DYNLRB2: variants seen among roughly 807,000 people sequenced by gnomAD.
DYNLRB2 encodes dynein light chain roadblock-type 2.
DYNLRB2 carries 14 observed loss-of-function variants against 12.6 expected under a neutral mutation model. That is an observed-to-expected ratio of 1.11 (90% CI 0.73 to 1.73). The LOEUF is 1.73. Ranked by LOEUF, DYNLRB2 falls within the 40% of genes most tolerant of loss-of-function variation. The probability of loss-of-function intolerance (pLI) is 0.00; values close to 1 mark genes in which losing one functional copy is unlikely to be tolerated. For missense variants in DYNLRB2, 142 were observed against 117.7 expected, an observed-to-expected ratio of 1.21 and a Z score of -0.95; for synonymous variants, 53 against 37.0, an observed-to-expected ratio of 1.43 and a Z score of -1.57.
intron 1 of DYNLRB2, 122 bp downstream of exon 1, chr16:80,541,201 G>C: frequency 6.9e-7 from 1 of 1,457,182 alleles, no homozygotes; most frequent in Non-Finnish European, 9.1e-7. Flanking sequence ...GCGGAGGCTG[G>C]TGGCTCCAGG....
intron 2 of DYNLRB2, chr16:80,548,862 T>G: frequency 2.3e-6 from 1 of 441,074 alleles, no homozygotes; most frequent in Non-Finnish European, 4.6e-6. Flanking sequence ...AACTTAAGAT[T>G]TGTGAAATAC....
chr16:80,548,145 G>A, intron 2 of DYNLRB2: 1 of 160,040 alleles, frequency 6.2e-6, no homozygotes, highest in Non-Finnish European at 1.4e-5. Flanking sequence ...GATACCTAAG[G>A]AATTTGATAG....
At chr16:80,540,866 C>A, upstream of DYNLRB2, 1 of 834,684 alleles carries the variant, frequency 1.2e-6, no homozygotes, top group Non-Finnish European at 2.0e-6. Context: ...TGAGCGCCTG[C>A]TCCCCTCTTC....
At chr16:80,543,959 T>G (rs1239129036) in intron 2 of DYNLRB2, among the ~76,000 whole-genome samples, 1 of 152,230 alleles carries the variant, frequency 6.6e-6, no homozygotes, top group Admixed American at 6.5e-5. Context: ...TGCTCCACGC[T>G]CAGCTATGGT....
At chr16:80,547,699 C>G in intron 2 of DYNLRB2, 2 of 452,522 alleles carry the variant, frequency 4.4e-6, no homozygotes, top group Non-Finnish European at 8.9e-6. Context: ...AACTGCTCGT[C>G]AAAAAGTTCC....
intron 3 of DYNLRB2, among the ~76,000 whole-genome samples, chr16:80,549,879 T>C (rs529003535): frequency 9.4e-4 from 143 of 152,332 alleles, no homozygotes; most frequent in South Asian, 7.9e-3. Flanking sequence ...CCCACTTGCA[T>C]TTATTATCAG....
upstream of DYNLRB2, chr16:80,540,947 C>T (rs921404731): frequency 7.2e-6 from 11 of 1,523,036 alleles, no homozygotes; most frequent in East Asian, 2.4e-5. Context: ...GACTCGCGAG[C>T]GCGCAGGCGC....
At chr16:80,545,251 G>A (rs1457779109) in intron 2 of DYNLRB2, among the ~76,000 whole-genome samples, 2 of 151,960 alleles carry the variant, frequency 1.3e-5, no homozygotes. Context: ...AAAATATCTA[G>A]GTATGAGGAT....
At chr16:80,548,080 C>G (rs1269636559) in intron 2 of DYNLRB2, 1 of 245,936 alleles carries the variant, frequency 4.1e-6, no homozygotes, top group East Asian at 1.2e-4. Context: ...GACCCACATT[C>G]TCTGAAGGAA....
intron 3 of DYNLRB2, 137 bp downstream of exon 3, chr16:80,549,788 G>C (rs1042048752): frequency 3.0e-6 from 3 of 998,226 alleles, no homozygotes; most frequent in Non-Finnish European, 3.9e-6. Flanking sequence ...AATGATGTTT[G>C]AATGTAAAAA....
chr16:80,540,783 A>G (rs1034581318), upstream of DYNLRB2: 4 of 703,718 alleles, frequency 5.7e-6, no homozygotes, highest in African/African-American at 7.0e-5. Flanking sequence ...ATGGACAAAC[A>G]CAGGCCGGGA....
At chr16:80,542,071 A>G (rs1904293195) in intron 1 of DYNLRB2, among the ~76,000 whole-genome samples, 1 of 152,142 alleles carries the variant, frequency 6.6e-6, no homozygotes, top group African/African-American at 2.4e-5. Context: ...TCATTTGGAA[A>G]TTTCCATTTT....
chr16:80,543,554 A>G (rs1904309419), intron 2 of DYNLRB2, among the ~76,000 whole-genome samples: 1 of 152,246 alleles, frequency 6.6e-6, no homozygotes, highest in Non-Finnish European at 1.5e-5. Flanking sequence ...CATAAATATG[A>G]ATAAGACATG....
At chr16:80,544,148 A>G (rs1435388811) in intron 2 of DYNLRB2, among the ~76,000 whole-genome samples, 1 of 152,208 alleles carries the variant, frequency 6.6e-6, no homozygotes, top group Non-Finnish European at 1.5e-5. Flanking sequence ...CCATCAGTAA[A>G]TATTTATTAA....
intron 1 of DYNLRB2, 200 bp downstream of exon 1, chr16:80,541,279 G>C (rs1478388792): frequency 1.0e-6 from 1 of 958,786 alleles, no homozygotes; most frequent in Non-Finnish European, 1.2e-6. Context: ...ACTGGAAGCT[G>C]TTTTGGGAAT....
intron 3 of DYNLRB2, among the ~76,000 whole-genome samples, chr16:80,550,266 G>A (rs1904759389): frequency 1.3e-5 from 2 of 152,102 alleles, no homozygotes; most frequent in Admixed American, 6.5e-5. Flanking sequence ...CCAATCACTT[G>A]GAGGACATTT....
upstream of DYNLRB2, chr16:80,540,821 G>A (rs759757284): frequency 5.6e-6 from 4 of 714,076 alleles, no homozygotes; most frequent in Non-Finnish European, 7.7e-6. Context: ...CTTCCCTCCC[G>A]GGACCCACTG....
chr16:80,545,441 A>G (rs1460889275), intron 2 of DYNLRB2, among the ~76,000 whole-genome samples: 1 of 152,136 alleles, frequency 6.6e-6, no homozygotes, highest in East Asian at 1.9e-4. Flanking sequence ...TATTAGATGA[A>G]AAAAGCAGAG....
At chr16:80,543,504 G>C (rs558957954) in intron 2 of DYNLRB2, among the ~76,000 whole-genome samples, 153 bp downstream of exon 2, 3 of 152,288 alleles carry the variant, frequency 2.0e-5, no homozygotes, top group Admixed American at 6.5e-5. Context: ...CATCTATTGA[G>C]TATCTGTTAT....
Sources: gnomAD v4.1 joint callset for allele counts (sites outside exome capture counted in the v4.1 genomes callset) on GRCh38, gnomAD v4.1.1 for gene constraint, MANE v1.5 for transcripts, NCBI Gene and HGNC (gene_info 2026-07-23, HGNC 2026-07-21) for gene names.